PRKAR2A: variants seen among roughly 807,000 people sequenced by gnomAD.
The protein encoded by PRKAR2A is cAMP-dependent protein kinase type II-alpha regulatory subunit.
Under a neutral mutation model 51.9 loss-of-function variants are expected in PRKAR2A, and 29 were observed. The observed-to-expected ratio is 0.56, with a 90% CI of 0.42 to 0.76. The LOEUF (loss-of-function observed/expected upper bound fraction) is 0.76. PRKAR2A is among the 30% of genes least tolerant of loss of function. The pLI is 0.00. For missense variants in PRKAR2A, 445 were observed against 512.1 expected, an observed-to-expected ratio of 0.87 and a Z score of 1.26; for synonymous variants, 178 against 186.2, an observed-to-expected ratio of 0.96 and a Z score of 0.36.
chr3:48,781,544 A>C (rs1002152012), intron 5 of PRKAR2A, among the ~76,000 whole-genome samples: 1 of 151,574 alleles, frequency 6.6e-6, no homozygotes, highest in Non-Finnish European at 1.5e-5. Flanking sequence ...ACAAAGTCTC[A>C]CACTGTTGCC....
At chr3:48,776,025 T>C (rs1045384551) in intron 5 of PRKAR2A, among the ~76,000 whole-genome samples, 1 of 152,042 alleles carries the variant, frequency 6.6e-6, no homozygotes, top group Non-Finnish European at 1.5e-5. Flanking sequence ...GAGAATCACT[T>C]GAAACCAGGA....
intron 1 of PRKAR2A, among the ~76,000 whole-genome samples, chr3:48,831,245 CAG>C (rs1360096297): frequency 6.6e-6 from 1 of 152,098 alleles, no homozygotes; most frequent in African/African-American, 2.4e-5. Context: ...CTATTATACT[CAG>C]GGGATTACCA....
intron 1 of PRKAR2A, among the ~76,000 whole-genome samples, chr3:48,821,916 G>GAAA (rs553317539): frequency 6.9e-5 from 7 of 101,360 alleles, no homozygotes; most frequent in Non-Finnish European, 6.1e-5. Context: ...CTCCATGTCA[G>GAAA]AAAAAAAAAA....
Position 48,751,852 on chromosome 3 carries a change from T to C in PRKAR2A, c.1082-134A>G, listed in dbSNP as rs1469165309. The C allele has an allele frequency of 5.4e-5, 57 of 1,062,668 alleles. No homozygotes were observed. In the Admixed American group the frequency reaches 1.6e-3, roughly 29 times the overall value. The allele number at this position is 1,062,668 out of a possible 1,614,324, so 65.8% of individuals were successfully genotyped here. A position where few individuals can be genotyped will look rare whatever the true frequency, so the allele number is the denominator to read the frequency against. The stretch of plus-strand genomic sequence containing the variant: ...CACCAGCCACTTGCAAAAAGGGATG[T>C]TTCTATATGAATTCAGAAGACTGTC... On this transcript the variant is annotated intron_variant, in intron 10 of 10. Transcript: ENST00000265563.
chr3:48,768,433 C>T (rs2081975315), intron 6 of PRKAR2A, among the ~76,000 whole-genome samples: 2 of 152,058 alleles, frequency 1.3e-5, no homozygotes, highest in Admixed American at 1.3e-4. Flanking sequence ...CACAGTGGCT[C>T]ACACCTATAA....
At chr3:48,794,094 G>T (rs1313137215) in intron 2 of PRKAR2A, 45 bp from the exon 3 acceptor site, 2 of 1,434,956 alleles carry the variant, frequency 1.4e-6, no homozygotes, top group Non-Finnish European at 1.9e-6. Context: ...TTTAACAGAT[G>T]TGTGGCTTTA....
chr3:48,788,317 C>T (rs1206404544), intron 4 of PRKAR2A, among the ~76,000 whole-genome samples: 1 of 152,138 alleles, frequency 6.6e-6, no homozygotes, highest in Admixed American at 6.6e-5. Flanking sequence ...GTGTGAGCCA[C>T]CGTGCCCTGC....
rs1013574732 is a variant in PRKAR2A, at chr3:48,847,785, G to A, written c.-189C>T. 3.8e-6 allele frequency: 2 copies of A among 521,976 alleles called. No homozygotes were observed. The highest frequency in any genetic ancestry group is 2.0e-5 in the African/African-American group (1 of 50,444). 32.3% of individuals were successfully genotyped at this position (521,976 alleles called of 1,614,324 possible). A position where few individuals can be genotyped will look rare whatever the true frequency, so the allele number is the denominator to read the frequency against. ...ACCCTACGCTACCACGGCCGACCTG[G>A]CACCGCCGCCGCTGTCACTGGGCAG... On this transcript the variant is annotated 5_prime_UTR_variant, in exon 1 of 11. Transcript: ENST00000265563. The surrounding 1 kb of genome is among the most constrained non-coding windows in gnomAD (Gnocchi z 4.4).
chr3:48,803,273 G>C (rs753122362), intron 2 of PRKAR2A, among the ~76,000 whole-genome samples: 3 of 152,030 alleles, frequency 2.0e-5, no homozygotes, highest in Non-Finnish European at 4.4e-5. Context: ...AGCTGGGCAT[G>C]GTGGTGCACA....
rs537000051 is a variant in PRKAR2A at position 48,839,903 on chromosome 3, T to C, written c.262+7432A>G. Among the ~76,000 whole-genome samples the C allele has an allele frequency of 2.8e-3, 432 of 152,328 alleles. 4 individuals are homozygous for C. Among genetic ancestry groups the C allele is most frequent in the African/African-American group, 9.9e-3 (410 of 41,578 alleles). The stretch of plus-strand genomic sequence containing the variant: ...CATAAAATGTGCCACTTCACCATTT[T>C]AAGTGTACAATTCAGTGTCATTAAG... On this transcript the variant is annotated intron_variant, in intron 1 of 10. Coordinates refer to ENST00000265563, the MANE Select transcript of PRKAR2A (RefSeq NM_004157.4).
intron 1 of PRKAR2A, among the ~76,000 whole-genome samples, chr3:48,813,336 G>A (rs539280574): frequency 6.6e-6 from 1 of 151,936 alleles, no homozygotes; most frequent in East Asian, 1.9e-4. Context: ...CCAGGAGTTC[G>A]AGGTTTCAGT....
chr3:48,814,214 C>T (rs1245259503), intron 1 of PRKAR2A, among the ~76,000 whole-genome samples: 1 of 151,834 alleles, frequency 6.6e-6, no homozygotes, highest in Non-Finnish European at 1.5e-5. Context: ...TGCCACTGCA[C>T]TCCAGTCTGG....
In PRKAR2A at chr3:48,752,916, C is replaced by CTTTT. The variant is rs59163654; in HGVS notation, c.940-603_940-600dup. ...ACCTTAAGTTAGTGGTTCCCTCCTC[C>CTTTT]TTTTTTTTTTTTTTTTTTTTTTTTT... On this transcript the variant is annotated intron_variant, in intron 9 of 10. Coordinates refer to ENST00000265563, the MANE Select transcript of PRKAR2A (RefSeq NM_004157.4). Among the ~76,000 whole-genome samples, 65 of 47,554 alleles carry CTTTT rather than the reference C, an allele frequency of 1.4e-3. 4 individuals are homozygous for CTTTT. The highest frequency in any genetic ancestry group is 2.3e-3 in the Admixed American group (6 of 2,658). The allele number at this position is 47,554 out of a possible 152,430, so 31.2% of individuals were successfully genotyped here. A position where few individuals can be genotyped will look rare whatever the true frequency, so the allele number is the denominator to read the frequency against.
chr3:48,837,162 GA>G (rs879822390), intron 1 of PRKAR2A, among the ~76,000 whole-genome samples: 5 of 149,694 alleles, frequency 3.3e-5, no homozygotes, highest in Admixed American at 6.7e-5. Flanking sequence ...AGCCAGGTAT[GA>G]AAAAAAAAAT....
intron 2 of PRKAR2A, among the ~76,000 whole-genome samples, chr3:48,799,061 T>C (rs1169345172): frequency 6.6e-6 from 1 of 152,200 alleles, no homozygotes; most frequent in Non-Finnish European, 1.5e-5. Flanking sequence ...AATTACTTCC[T>C]TTATTTTCTA....
At chr3:48,816,568 G>A (rs947241493) in intron 1 of PRKAR2A, among the ~76,000 whole-genome samples, 1 of 151,956 alleles carries the variant, frequency 6.6e-6, no homozygotes, top group African/African-American at 2.4e-5. Flanking sequence ...AACCTGGGAG[G>A]TGGGGGTTGC....
At chr3:48,787,520 C>CCAA (rs1456018665) in intron 4 of PRKAR2A, among the ~76,000 whole-genome samples, 1 of 152,088 alleles carries the variant, frequency 6.6e-6, no homozygotes, top group Non-Finnish European at 1.5e-5. Context: ...ATGGTATTCT[C>CCAA]CAACTCTAAG....
intron 2 of PRKAR2A, among the ~76,000 whole-genome samples, chr3:48,798,851 G>A (rs1347299082): frequency 1.3e-5 from 2 of 151,856 alleles, no homozygotes; most frequent in African/African-American, 4.8e-5. Flanking sequence ...AGTAGAGATG[G>A]GGTTTCATCA....
chr3:48,757,474 CCTTAA>C (rs1214045586), intron 8 of PRKAR2A, among the ~76,000 whole-genome samples: 8 of 152,326 alleles, frequency 5.3e-5, no homozygotes, highest in South Asian at 2.1e-4. Flanking sequence ...TTTGGCCATT[CCTTAA>C]CTTAATATAA....
Sources: gnomAD v4.1 joint callset for allele counts (sites outside exome capture counted in the v4.1 genomes callset) on GRCh38, gnomAD v4.1.1 for gene constraint, Gnocchi (gnomAD v3.1) non-coding constraint, MANE v1.5 for transcripts, NCBI Gene and HGNC (gene_info 2026-07-23, HGNC 2026-07-21) for gene names.